The following CD200 variants were observed in gnomAD, a reference collection of about 807,000 sequenced individuals.
CD200 encodes CD200 molecule, also known as OX-2 membrane glycoprotein.
Under a neutral mutation model 30.9 loss-of-function variants are expected in CD200, and 15 were observed. The observed-to-expected ratio is 0.49, with a 90% CI of 0.32 to 0.75. CD200 has a LOEUF of 0.75. Among genes scored for constraint, CD200 ranks in the 30% least tolerant of loss-of-function variants. The pLI is 0.03. For missense variants in CD200, 262 were observed against 324.2 expected (o/e 0.81, Z 1.47); for synonymous variants, 134 against 126.2 (o/e 1.06, Z -0.41).
intron 5 of CD200, among the ~76,000 whole-genome samples, chr3:112,358,493 A>T (rs75358256): frequency 0.015 from 2,317 of 152,244 alleles, 62 homozygotes; most frequent in African/African-American, 0.052. Flanking sequence ...GTGCAGTTGT[A>T]TCTCTTTTTG....
chr3:112,361,569 T>C lies in CD200; in HGVS notation c.*19T>C. ...GCCCTAAATAAGTCACACAGCACCCTGAAAGTGATTCCCTGGTCTACTTGA... is the reference window on the plus strand; with the variant it reads ...GCCCTAAATAAGTCACACAGCACCCCGAAAGTGATTCCCTGGTCTACTTGA... On this transcript the variant is annotated 3_prime_UTR_variant, in exon 6 of 6. Transcript: ENST00000315711. The C allele has an allele frequency of 1.2e-6, 2 of 1,605,426 alleles. No individual in the cohort carries two copies. Among genetic ancestry groups the C allele is most frequent in the Non-Finnish European group, 1.7e-6 (2 of 1,172,046 alleles).
At chr3:112,341,917 A>C (rs1454242616) in intron 2 of CD200, among the ~76,000 whole-genome samples, 1 of 152,184 alleles carries the variant, frequency 6.6e-6, no homozygotes, top group East Asian at 1.9e-4. Context: ...ATCTTCCAAG[A>C]GTATACATCA....
chr3:112,336,616 C>A (rs2081123055), intron 1 of CD200, among the ~76,000 whole-genome samples: 1 of 151,492 alleles, frequency 6.6e-6, no homozygotes, highest in Non-Finnish European at 1.5e-5. Flanking sequence ...TGATTATGGG[C>A]CAATATTCTA....
At chr3:112,357,271 A>G (rs113218786) in intron 5 of CD200, among the ~76,000 whole-genome samples, 10 of 139,796 alleles carry the variant, frequency 7.2e-5, no homozygotes, top group Admixed American at 3.0e-4. Context: ...AAAAAAAAAA[A>G]AAAGAAAGAA....
upstream of CD200, chr3:112,332,599 A>AAGAAGAAGG (rs1241472708): frequency 5.0e-6 from 1 of 199,314 alleles, no homozygotes. Context: ...TCTCAAGAAG[A>AAGAAGAAGG]AGAAGAAGGA....
At chr3:112,334,230 A>G in intron 1 of CD200, 8 of 985,174 alleles carry the variant, frequency 8.1e-6, no homozygotes, top group Non-Finnish European at 9.6e-6. Context: ...GGTAATGTGG[A>G]TTTGGACATA....
At chr3:112,349,195 G>T (rs1345984432) in intron 4 of CD200, among the ~76,000 whole-genome samples, 1 of 152,158 alleles carries the variant, frequency 6.6e-6, no homozygotes, top group Non-Finnish European at 1.5e-5. Flanking sequence ...TTGCATTAAA[G>T]ACATAGATAA....
intron 5 of CD200, among the ~76,000 whole-genome samples, chr3:112,357,167 A>G (rs1368238683): frequency 6.6e-6 from 1 of 150,550 alleles, no homozygotes; most frequent in Non-Finnish European, 1.5e-5. Context: ...AGGCTGAGGC[A>G]GGAGAATGGC....
chr3:112,342,885 T>C (rs761919509), intron 2 of CD200, among the ~76,000 whole-genome samples: 40 of 152,204 alleles, frequency 2.6e-4, no homozygotes, highest in Non-Finnish European at 5.3e-4. Flanking sequence ...AGGCCATACG[T>C]AGGGTAGCAA....
intron 1 of CD200, among the ~76,000 whole-genome samples, chr3:112,338,994 G>A (rs1163060041): frequency 1.3e-5 from 2 of 152,166 alleles, no homozygotes; most frequent in Non-Finnish European, 2.9e-5. Context: ...TGAAAATGAT[G>A]ATAATAATAG....
intron 1 of CD200, chr3:112,333,996 C>G (rs1240963278): frequency 2.0e-6 from 2 of 985,222 alleles, no homozygotes; most frequent in East Asian, 2.3e-4. Flanking sequence ...GTGAATGCCT[C>G]AAGATAATTT....
At position 112,361,544 on chromosome 3, in the gene CD200, G is replaced by A. The variant is rs751991563; in HGVS notation, c.804G>A (p.Glu268=). The change falls in exon 6 of 6, where the codon GAG becomes GAA. Residue 268 remains glutamate, a splice_region_variant and synonymous_variant. Coordinates refer to ENST00000315711, the MANE Select transcript of CD200 (RefSeq NM_005944.7). ...YWKRHRNQDR[E]P is the part of the protein sequence containing the mutation. ...ATACCTTGTTTTTCTTTTATCCAGAGCCCTAAATAAGTCACACAGCACCCT... is the reference window on the plus strand; with the variant it reads ...ATACCTTGTTTTTCTTTTATCCAGAACCCTAAATAAGTCACACAGCACCCT... 6.2e-7 allele frequency: 1 copy of A among 1,607,548 alleles called. No individual in the cohort carries two copies. The highest frequency in any genetic ancestry group is 1.7e-4 in the Middle Eastern group (1 of 6,054).
At chr3:112,337,112 G>A (rs2081135369) in intron 1 of CD200, among the ~76,000 whole-genome samples, 2 of 151,988 alleles carry the variant, frequency 1.3e-5, no homozygotes, top group African/African-American at 4.8e-5. Context: ...GGTATATGGT[G>A]GGTATATTTG....
At chr3:112,336,321 G>A (rs2081115293) in intron 1 of CD200, among the ~76,000 whole-genome samples, 1 of 152,022 alleles carries the variant, frequency 6.6e-6, no homozygotes, top group African/African-American at 2.4e-5. Flanking sequence ...AAGGAGGAGA[G>A]ATTTAGATCC....
intron 2 of CD200, among the ~76,000 whole-genome samples, chr3:112,342,345 CT>C (rs1559783251): frequency 0.037 from 419 of 11,452 alleles, 4 homozygotes; most frequent in Non-Finnish European, 0.045. Context: ...TTCCTTCTTT[CT>C]TTCTTTCTTT....
rs901694916 is a variant in CD200 at position 112,343,461 on chromosome 3, G to A, written c.95-1501G>A. Among the ~76,000 whole-genome samples, 3 of 151,794 alleles carry A rather than the reference G, an allele frequency of 2.0e-5. 1 individual carries two copies. The South Asian group carries it at 6.2e-4, about 32-fold the overall frequency. On this transcript the variant is annotated intron_variant, in intron 2 of 5. Coordinates refer to ENST00000315711, the MANE Select transcript of CD200 (RefSeq NM_005944.7). ...CAGGACTACAAGTACATGACGCTAC[G>A]GCTGGCTAATTTTTACATTTCTTGT...
In CD200 at chr3:112,362,616, A is replaced by G. The variant is rs2081760620; in HGVS notation, c.*1066A>G. On this transcript the variant is annotated 3_prime_UTR_variant, in exon 6 of 6. Transcript: ENST00000315711. The stretch of plus-strand genomic sequence containing the variant: ...GAATGATGTTGAATCTTTAATAACC[A>G]TAATTAGTTGCTTTTTCAGTATCTT... 6.6e-6 allele frequency: 1 copy of G among 152,618 alleles called. No homozygotes were observed. The allele number at this position is 152,618 out of a possible 1,614,324, so 9.5% of individuals were successfully genotyped here. A position where few individuals can be genotyped will look rare whatever the true frequency, so the allele number is the denominator to read the frequency against.
upstream of CD200, chr3:112,333,120 C>A: frequency 6.5e-7 from 1 of 1,528,076 alleles, no homozygotes; most frequent in Non-Finnish European, 8.8e-7. Flanking sequence ...GGAGGTGCGG[C>A]AGGGGCACAG....
At chr3:112,358,925 AAG>A (rs1010028312) in intron 5 of CD200, among the ~76,000 whole-genome samples, 4 of 124,976 alleles carry the variant, frequency 3.2e-5, no homozygotes, top group East Asian at 2.4e-4. Flanking sequence ...AGAGGAAAGA[AAG>A]AGAGAGAAAG....
Sources: allele counts gnomAD v4.1 joint callset (sites outside exome capture counted in the v4.1 genomes callset), GRCh38; gene constraint gnomAD v4.1.1; transcripts MANE v1.5; gene names NCBI Gene and HGNC (gene_info 2026-07-23, HGNC 2026-07-21).